NFATC2: variants seen among roughly 807,000 people sequenced by gnomAD.
The protein encoded by NFATC2 is nuclear factor of activated T-cells, cytoplasmic 2.
Under a neutral mutation model 87.3 loss-of-function variants are expected in NFATC2, and 22 were observed. That is an observed-to-expected ratio of 0.25 (90% CI 0.18 to 0.36). NFATC2 has a LOEUF of 0.36. NFATC2 is among the 10% of genes least tolerant of loss of function. NFATC2 has a pLI of 1.00. For missense variants in NFATC2, 1,149 were observed against 1,259.1 expected, an observed-to-expected ratio of 0.91 and a Z score of 1.32; for synonymous variants, 565 against 542.2, an observed-to-expected ratio of 1.04 and a Z score of -0.58.
intron 5 of NFATC2, among the ~76,000 whole-genome samples, chr20:51,457,912 G>T (rs548313334): frequency 2.1e-5 from 3 of 145,404 alleles, no homozygotes; most frequent in African/African-American, 5.1e-5. Context: ...TTGAGACATG[G>T]TCTTGCTCTG....
intron 3 of NFATC2, among the ~76,000 whole-genome samples, chr20:51,505,322 T>C (rs1049338904): frequency 1.3e-5 from 2 of 151,838 alleles, no homozygotes; most frequent in Admixed American, 6.6e-5. Context: ...GTCTGGCCAT[T>C]TCCTGTACTT....
rs1217081548 is a variant in NFATC2 at position 51,388,003 on chromosome 20, A to G, written c.*3493T>C. 6.6e-6 allele frequency: 1 copy of G among 152,032 alleles called. No homozygotes were observed. Among genetic ancestry groups the G allele is most frequent in the Non-Finnish European group, 1.5e-5 (1 of 68,022 alleles). 9.4% of individuals were successfully genotyped at this position (152,032 alleles called of 1,614,324 possible). On this transcript the variant is annotated 3_prime_UTR_variant, in exon 11 of 11. Coordinates refer to ENST00000371564, the MANE Select transcript of NFATC2 (RefSeq NM_012340.5). ...CTGAGGCGTCTTGGCTACTGGATGTAAACAAAAAATGCAATATCCGTGCCT... is the reference window on the plus strand; with the variant it reads ...CTGAGGCGTCTTGGCTACTGGATGTGAACAAAAAATGCAATATCCGTGCCT...
At chr20:51,513,923 G>A (rs1738712722) in intron 3 of NFATC2, among the ~76,000 whole-genome samples, 1 of 152,232 alleles carries the variant, frequency 6.6e-6, no homozygotes, top group Non-Finnish European at 1.5e-5. Context: ...GCAAAGAGAC[G>A]TGGATGATCA....
chr20:51,435,151 T>C, intron 8 of NFATC2, 37 bp downstream of exon 8: 1 of 1,611,930 alleles, frequency 6.2e-7, no homozygotes, highest in Non-Finnish European at 8.5e-7. Flanking sequence ...CTGTACTGCC[T>C]CTCAATAACA....
chr20:51,435,744 C>G lies in NFATC2; in HGVS notation c.1867G>C (p.Glu623Gln), dbSNP rs778224219. ...TCCTTATCCACCGTGGCTTCCATCT[C>G]CCAAATTTGCTGTCCATCTAGAAAA... ...EKTTDGQQIW[E>Q]MEATVDKDKS... Residue 623 changes from glutamate (E) to glutamine (Q), a missense_variant, in exon 7 of 11, where the codon GAG (glutamate) becomes CAG (glutamine). Physicochemically the swap from Glu to Gln is conservative, Grantham distance 29 (BLOSUM62 2). Transcript: ENST00000371564. 6.2e-7 allele frequency: 1 copy of G among 1,606,576 alleles called. No homozygotes were observed. The highest frequency in any genetic ancestry group is 1.7e-5 in the Admixed American group (1 of 59,270).
chr20:51,555,304 C>T (rs148423932), intron 1 of NFATC2, among the ~76,000 whole-genome samples: 48 of 152,278 alleles, frequency 3.2e-4, no homozygotes, highest in African/African-American at 1.1e-3. Flanking sequence ...CTTACAAGAT[C>T]CTATGTGGGC....
intron 9 of NFATC2, among the ~76,000 whole-genome samples, chr20:51,424,330 T>G (rs1981435384): frequency 6.6e-6 from 1 of 152,186 alleles, no homozygotes. Context: ...CTCCTGGCTC[T>G]TCGTCAGAGC....
chr20:51,507,401 T>C (rs1214132959), intron 3 of NFATC2, among the ~76,000 whole-genome samples: 1 of 152,158 alleles, frequency 6.6e-6, no homozygotes, highest in African/African-American at 2.4e-5. Flanking sequence ...CGTGGTTAAT[T>C]CAACCAGAAA....
intron 3 of NFATC2, among the ~76,000 whole-genome samples, chr20:51,484,751 T>A (rs1452875847): frequency 6.6e-6 from 1 of 152,204 alleles, no homozygotes; most frequent in Non-Finnish European, 1.5e-5. Flanking sequence ...GTTGGACAAC[T>A]GGTACCTGGG....
At chr20:51,493,373 G>A (rs538548999) in intron 3 of NFATC2, among the ~76,000 whole-genome samples, 5 of 152,142 alleles carry the variant, frequency 3.3e-5, no homozygotes, top group Admixed American at 2.6e-4. Context: ...TTTTCTCATG[G>A]GGCTGTTATG....
intron 9 of NFATC2, among the ~76,000 whole-genome samples, chr20:51,406,790 G>A (rs940324180): frequency 4.6e-5 from 7 of 152,168 alleles, no homozygotes; most frequent in South Asian, 2.1e-4. Flanking sequence ...GCTCCATAGC[G>A]GCGCCTGTCT....
In NFATC2 at chr20:51,387,709, T is replaced by C. The variant is rs1302710689; in HGVS notation, c.*3787A>G. On this transcript the variant is annotated 3_prime_UTR_variant, in exon 11 of 11. Transcript: ENST00000371564. ...TAGGAGACCCAAGGTTAAGATGCGC[T>C]GGGTCACCGAGCACCTTGCCTCCGG... The C allele has an allele frequency of 1.3e-5, 2 of 152,152 alleles. No homozygotes were observed. The highest frequency in any genetic ancestry group is 2.9e-5 in the Non-Finnish European group (2 of 68,018). The allele number at this position is 152,152 out of a possible 1,614,324, so 9.4% of individuals were successfully genotyped here. A position where few individuals can be genotyped will look rare whatever the true frequency, so the allele number is the denominator to read the frequency against.
Position 51,432,862 on chromosome 20 carries a change from G to T in NFATC2, c.2033-106C>A. 2 of 981,844 alleles carry T rather than the reference G, an allele frequency of 2.0e-6. No homozygotes were observed. The highest frequency in any genetic ancestry group is 2.8e-6 in the Non-Finnish European group (2 of 717,626). 60.8% of individuals were successfully genotyped at this position (981,844 alleles called of 1,614,324 possible). A position where few individuals can be genotyped will look rare whatever the true frequency, so the allele number is the denominator to read the frequency against. On this transcript the variant is annotated intron_variant, in intron 8 of 10. Transcript: ENST00000371564. The surrounding 1 kb of genome is among the most constrained non-coding windows in gnomAD (Gnocchi z 4.6). The stretch of plus-strand genomic sequence containing the variant: ...AGAACATGGCCTTGGGAGTCCATAC[G>T]GGTGGGACAAACAGCTGGTCCCTGT...
intron 9 of NFATC2, among the ~76,000 whole-genome samples, chr20:51,404,589 G>C (rs1438634342): frequency 6.6e-6 from 1 of 152,252 alleles, no homozygotes; most frequent in Non-Finnish European, 1.5e-5. Context: ...AGCAGCAGCA[G>C]TGTGTCTCAG....
chr20:51,497,291 C>G (rs953382882), intron 3 of NFATC2, among the ~76,000 whole-genome samples: 1 of 152,196 alleles, frequency 6.6e-6, no homozygotes, highest in African/African-American at 2.4e-5. Context: ...GCCAATCATT[C>G]TTCTCCCTCC....
chr20:51,492,043 G>C (rs1312726410), intron 3 of NFATC2, among the ~76,000 whole-genome samples: 2 of 151,752 alleles, frequency 1.3e-5, no homozygotes, highest in Admixed American at 1.3e-4. Context: ...CACTGGCCCG[G>C]GCTCCCCTTA....
intron 9 of NFATC2, among the ~76,000 whole-genome samples, chr20:51,430,182 C>T (rs1982483573): frequency 6.6e-6 from 1 of 152,082 alleles, no homozygotes; most frequent in Admixed American, 6.5e-5. Context: ...CTCTGGAGAC[C>T]AGACCAGCCC....
At chr20:51,561,435 G>GAAAGGAAGAAAGAA (rs1555822821) in intron 1 of NFATC2, among the ~76,000 whole-genome samples, 6 of 59,236 alleles carry the variant, frequency 1.0e-4, no homozygotes, top group African/African-American at 3.1e-4. Flanking sequence ...AGAAAGAAAA[G>GAAAGGAAGAAAGAA]AAAGAAAGAA....
chr20:51,444,620 G>C (rs898806664), intron 6 of NFATC2, among the ~76,000 whole-genome samples: 5 of 152,130 alleles, frequency 3.3e-5, no homozygotes, highest in Non-Finnish European at 4.4e-5. Context: ...CATGCCACTG[G>C]GCTCGAGGCG....
Sources: gnomAD v4.1 joint callset for allele counts (sites outside exome capture counted in the v4.1 genomes callset) on GRCh38, gnomAD v4.1.1 for gene constraint, Gnocchi (gnomAD v3.1) non-coding constraint, MANE v1.5 for transcripts, NCBI Gene and HGNC (gene_info 2026-07-23, HGNC 2026-07-21) for gene names.